WHRN: variants seen among roughly 807,000 people sequenced by gnomAD.
WHRN encodes the protein CASK-interacting protein CIP98.
WHRN carries 41 observed loss-of-function variants against 68.3 expected under a neutral mutation model. The observed-to-expected ratio is 0.60, with a 90% confidence interval of 0.47 to 0.78. The LOEUF is 0.78. Among genes scored for constraint, WHRN ranks in the 30% least tolerant of loss-of-function variants. The pLI is 0.00. For synonymous variants in WHRN, 560 were observed against 561.3 expected (o/e 1.00, Z 0.03); for missense variants, 1,243 against 1,244.7 (o/e 1.00, Z 0.02).
chr9:114,467,629 G>A (rs1840834401), intron 2 of WHRN, among the ~76,000 whole-genome samples: 1 of 152,214 alleles, frequency 6.6e-6, no homozygotes, highest in Admixed American at 6.5e-5. Context: ...CAGGTGCTGG[G>A]GGACAGGGTG....
chr9:114,496,579 A>T (rs1589271755), intron 1 of WHRN, among the ~76,000 whole-genome samples: 1 of 152,222 alleles, frequency 6.6e-6, no homozygotes, highest in East Asian at 1.9e-4. Flanking sequence ...ATAACAGAAG[A>T]CTTTCAAAGA....
At chr9:114,410,505 A>G (rs1835358443) in intron 7 of WHRN, among the ~76,000 whole-genome samples, 1 of 152,154 alleles carries the variant, frequency 6.6e-6, no homozygotes, top group African/African-American at 2.4e-5. Context: ...TGAATGTCTG[A>G]GTGTGAAGGC....
intron 1 of WHRN, among the ~76,000 whole-genome samples, chr9:114,490,840 A>G (rs1414904190): frequency 6.6e-6 from 1 of 152,218 alleles, no homozygotes; most frequent in Non-Finnish European, 1.5e-5. Context: ...TAGGCTGTCC[A>G]CCCCTTTGCA....
Position 114,430,682 on chromosome 9 carries a change from T to C in WHRN, c.964-4269A>G, listed in dbSNP as rs1384333205. Among the ~76,000 whole-genome samples the C allele has an allele frequency of 3.3e-5, 5 of 152,306 alleles. No individual in the cohort carries two copies. The East Asian group carries it at 9.6e-4, about 29-fold the overall frequency. ...TCACATTGTCCTCATGCCTGTTAAG[T>C]AAATATATCCCTACCAGATTTGAAG... is the stretch of plus-strand genomic sequence containing the variant. On this transcript the variant is annotated intron_variant, in intron 3 of 11. Coordinates refer to ENST00000362057, the MANE Select transcript of WHRN (RefSeq NM_015404.4).
At chr9:114,421,185 G>C (rs544418902) in intron 7 of WHRN, among the ~76,000 whole-genome samples, 1 of 152,164 alleles carries the variant, frequency 6.6e-6, no homozygotes, top group Admixed American at 6.5e-5. Context: ...CCTTCCCCAG[G>C]GTGCCCCAAT....
At chr9:114,499,807 T>C (rs903993163) in intron 1 of WHRN, among the ~76,000 whole-genome samples, 1 of 152,224 alleles carries the variant, frequency 6.6e-6, no homozygotes, top group African/African-American at 2.4e-5. Context: ...GAATCACACT[T>C]ATCTTTGCAG....
At chr9:114,406,272 C>G (rs1185518558) in intron 9 of WHRN, 83 bp downstream of exon 9, 1 of 1,590,328 alleles carries the variant, frequency 6.3e-7, no homozygotes, top group Non-Finnish European at 8.6e-7. Flanking sequence ...GCTGGTCCCC[C>G]CCTTCACTGT....
chr9:114,504,346 C>G lies in WHRN; in HGVS notation c.456G>C (p.Leu152Phe). The G allele has an allele frequency of 6.2e-7, 1 of 1,609,316 alleles. No homozygotes were observed. The highest frequency in any genetic ancestry group is 8.5e-7 in the Non-Finnish European group (1 of 1,179,996). ...CCGAGCCCCCACGGATGCTGAAGCC[C>G]AAGCCCTCGTGGGCCTTGGCACGCC... ...SLRRAKAHEG[L>F]GFSIRGGSEH... Residue 152 changes from leucine (L) to phenylalanine (F), a missense_variant, in exon 1 of 12, where the codon TTG (leucine) becomes TTC (phenylalanine). By Grantham distance (22) the Leu-to-Phe change is conservative. Coordinates refer to ENST00000362057, the MANE Select transcript of WHRN (RefSeq NM_015404.4).
intron 1 of WHRN, among the ~76,000 whole-genome samples, chr9:114,502,554 C>T (rs1844023251): frequency 7.5e-6 from 1 of 134,216 alleles, no homozygotes; most frequent in Non-Finnish European, 1.6e-5. Context: ...GGGTGGCAGG[C>T]GGGGAGCACT....
intron 3 of WHRN, among the ~76,000 whole-genome samples, chr9:114,440,304 T>C (rs1158831701): frequency 6.6e-6 from 1 of 152,228 alleles, no homozygotes; most frequent in African/African-American, 2.4e-5. Flanking sequence ...CGATGCAATC[T>C]TGGCTTGCTG....
chr9:114,454,603 G>T (rs1041014615), intron 3 of WHRN, among the ~76,000 whole-genome samples: 1 of 151,794 alleles, frequency 6.6e-6, no homozygotes, highest in Non-Finnish European at 1.5e-5. Flanking sequence ...TTCATTGATT[G>T]CAAGACTGAA....
chr9:114,455,215 T>TTTTG (rs56173305), intron 3 of WHRN, among the ~76,000 whole-genome samples: 112,372 of 150,976 alleles, frequency 0.74, 41,999 homozygotes, highest in East Asian at 0.96. Context: ...CAAAAGATAC[T>TTTTG]TTTGTTTGTT....
Position 114,505,303 on chromosome 9 carries a change from A to C in WHRN, c.-502T>G, listed in dbSNP as rs1345252475. On this transcript the variant is annotated 5_prime_UTR_variant, in exon 1 of 12. Transcript: ENST00000362057. Reference sequence around the variant, plus strand: ...TTGGGGCGGAGGGCGCTCTAGTCCCAGAGCACTCCGGGGAGTGGCAGCCGG... The same window carrying C: ...TTGGGGCGGAGGGCGCTCTAGTCCCCGAGCACTCCGGGGAGTGGCAGCCGG... 1.3e-5 allele frequency: 2 copies of C among 153,594 alleles called. No individual in the cohort carries two copies. The highest frequency in any genetic ancestry group is 1.3e-4 in the Admixed American group (2 of 15,294). The allele number at this position is 153,594 out of a possible 1,614,324, so 9.5% of individuals were successfully genotyped here.
At chr9:114,482,785 T>A (rs572280702) in intron 1 of WHRN, among the ~76,000 whole-genome samples, 71 of 152,224 alleles carry the variant, frequency 4.7e-4, no homozygotes, top group African/African-American at 1.7e-3. Flanking sequence ...GTTCTATAAA[T>A]AGGCCAGCAG....
intron 9 of WHRN, 115 bp from the exon 10 acceptor site, chr9:114,404,192 GA>G: frequency 1.8e-6 from 2 of 1,135,516 alleles, no homozygotes; most frequent in South Asian, 2.6e-5. Context: ...CCCAGGCAAA[GA>G]TGGGGGAAGG....
chr9:114,440,820 C>T (rs543551309), intron 3 of WHRN, among the ~76,000 whole-genome samples: 1 of 152,148 alleles, frequency 6.6e-6, no homozygotes, highest in Non-Finnish European at 1.5e-5. Flanking sequence ...AATTGCATAT[C>T]ATAGTAAAAA....
intron 7 of WHRN, among the ~76,000 whole-genome samples, chr9:114,409,540 A>G (rs1282824445): frequency 1.3e-5 from 2 of 152,186 alleles, no homozygotes; most frequent in Admixed American, 6.5e-5. Context: ...ACAGAAGTCA[A>G]GCATGGAGCT....
intron 2 of WHRN, among the ~76,000 whole-genome samples, chr9:114,473,314 G>C (rs911795729): frequency 6.6e-6 from 1 of 152,204 alleles, no homozygotes; most frequent in Non-Finnish European, 1.5e-5. Context: ...CAAGATGACT[G>C]GTGCTGTGTG....
chr9:114,433,016 T>C (rs6478080), intron 3 of WHRN, among the ~76,000 whole-genome samples: 149,187 of 152,272 alleles, frequency 0.98, 73,139 homozygotes, highest in East Asian at 1. Context: ...CATATTTTAA[T>C]CCCATTTTAC....
Sources: gnomAD v4.1 joint callset for allele counts (sites outside exome capture counted in the v4.1 genomes callset) on GRCh38, gnomAD v4.1.1 for gene constraint, MANE v1.5 for transcripts, NCBI Gene and HGNC (gene_info 2026-07-23, HGNC 2026-07-21) for gene names.